The following BLTP1 variants were observed in gnomAD, a reference collection of about 807,000 sequenced individuals.
The protein encoded by BLTP1 is fragile site-associated protein.
the BLTP1 span, chr4:122,174,548 C>T: frequency 0.019 from 29,707 of 1,602,402 alleles, 1,791 homozygotes; most frequent in African/African-American, 0.21. Flanking sequence ...GTTACATTAA[C>T]TGCTGTTTTT....
chr4:122,268,997 G>T, the BLTP1 span: 58 of 382,976 alleles, frequency 1.5e-4, no homozygotes, highest in Middle Eastern at 2.7e-3. Context: ...CTTATTGGGA[G>T]ACTTGTTATT....
chr4:122,189,088 T>G, the BLTP1 span: 4 of 980,504 alleles, frequency 4.1e-6, no homozygotes, highest in Non-Finnish European at 4.8e-6. Context: ...ATCAGGATTT[T>G]TTTGAAAAAT....
At chr4:122,226,380 A>T in the BLTP1 span, 2 of 1,017,080 alleles carry the variant, frequency 2.0e-6, no homozygotes, top group Non-Finnish European at 2.4e-6. Flanking sequence ...CTATGTGGAG[A>T]TTTCAGTTAG....
the BLTP1 span, among the ~76,000 whole-genome samples, chr4:122,317,940 A>G: frequency 6.6e-6 from 1 of 152,178 alleles, no homozygotes; most frequent in African/African-American, 2.4e-5. Flanking sequence ...AGCAATGGAT[A>G]AGACACATTT....
the BLTP1 span, chr4:122,315,572 C>T: frequency 6.2e-7 from 1 of 1,614,062 alleles, no homozygotes; most frequent in South Asian, 1.1e-5. Context: ...GGGCAATACT[C>T]TTACAACACT....
At chr4:122,310,964 A>G in the BLTP1 span, 3 of 812,634 alleles carry the variant, frequency 3.7e-6, no homozygotes, top group African/African-American at 3.7e-5. Flanking sequence ...ATTTTACACA[A>G]TAGTTATACA....
chr4:122,271,363 T>C, the BLTP1 span: 2 of 1,613,806 alleles, frequency 1.2e-6, no homozygotes, highest in Non-Finnish European at 1.7e-6. Flanking sequence ...CCAGAAAACA[T>C]CGGGACTTTC....
At chr4:122,207,273 A>G in the BLTP1 span, 2 of 1,590,018 alleles carry the variant, frequency 1.3e-6, no homozygotes, top group Non-Finnish European at 1.7e-6. Flanking sequence ...ATGGTAAGAC[A>G]TTAAAAAAAA....
chr4:122,244,597 A>T, the BLTP1 span: 85 of 954,232 alleles, frequency 8.9e-5, no homozygotes, highest in Non-Finnish European at 1.1e-4. Flanking sequence ...AGAATGGAAC[A>T]TAATGGAAGT....
At chr4:122,185,048 CTA>C in the BLTP1 span, 14 of 985,240 alleles carry the variant, frequency 1.4e-5, no homozygotes, top group African/African-American at 1.9e-4. Context: ...CGATAGAAGA[CTA>C]AATACTAGTG....
the BLTP1 span, chr4:122,328,357 C>T: frequency 1.4e-5 from 23 of 1,601,742 alleles, no homozygotes; most frequent in East Asian, 2.2e-5. Flanking sequence ...AGGAAACCCT[C>T]GTGAGTAACC....
the BLTP1 span, chr4:122,207,520 T>TTTTTTTTTTTTTTTTTTTTTTG: frequency 6.6e-7 from 1 of 1,504,352 alleles, no homozygotes; most frequent in South Asian, 1.4e-5. Context: ...TCTTCTTTTT[T>TTTTTTTTTTTTTTTTTTTTTTG]TTTTTTTTTT....
the BLTP1 span, chr4:122,180,009 C>T: frequency 7.2e-6 from 7 of 978,560 alleles, no homozygotes; most frequent in East Asian, 7.0e-4. Context: ...ATCCATCTCT[C>T]ATATACACGT....
the BLTP1 span, among the ~76,000 whole-genome samples, chr4:122,312,538 A>T: frequency 2.6e-5 from 4 of 152,198 alleles, no homozygotes; most frequent in South Asian, 8.3e-4. Context: ...TGTAACCATG[A>T]CTACAAAGGT....
the BLTP1 span, chr4:122,200,168 T>C: frequency 6.6e-6 from 6 of 908,462 alleles, no homozygotes; most frequent in Admixed American, 6.2e-5. Context: ...TATAAAATAC[T>C]ATAAATATAC....
At chr4:122,170,666 G>A in the BLTP1 span, 27 of 1,576,060 alleles carry the variant, frequency 1.7e-5, no homozygotes, top group East Asian at 6.4e-4. Flanking sequence ...AAGGAAGAAT[G>A]AGAGTATTGT....
At chr4:122,275,587 C>T in the BLTP1 span, among the ~76,000 whole-genome samples, 1 of 152,166 alleles carries the variant, frequency 6.6e-6, no homozygotes, top group East Asian at 1.9e-4. Flanking sequence ...TTTGTTATCT[C>T]TTAAGAGAAG....
chr4:122,358,573 T>C, the BLTP1 span, among the ~76,000 whole-genome samples: 4 of 152,116 alleles, frequency 2.6e-5, no homozygotes, highest in South Asian at 2.1e-4. Flanking sequence ...TCAAAATAAA[T>C]TGTAGCACTG....
the BLTP1 span, chr4:122,334,528 C>T: frequency 1.4e-5 from 22 of 1,612,462 alleles, no homozygotes; most frequent in African/African-American, 2.7e-5. Flanking sequence ...CCTCCCCAGC[C>T]CCCACCTATT....
Sources: gnomAD v4.1 joint callset for allele counts (sites outside exome capture counted in the v4.1 genomes callset) on GRCh38, gnomAD v4.1.1 for gene constraint, MANE v1.5 for transcripts, NCBI Gene and HGNC (gene_info 2026-07-23, HGNC 2026-07-21) for gene names.